ATP2B2: variants seen among roughly 807,000 people sequenced by gnomAD.
ATP2B2 encodes ATPase plasma membrane Ca2+ transporting 2.
A neutral mutation model predicts 120.0 loss-of-function variants in ATP2B2; 15 were observed. That is an observed-to-expected ratio of 0.12 (90% CI 0.08 to 0.19). ATP2B2 has a LOEUF of 0.19. Ranked by LOEUF, ATP2B2 falls within the 10% of genes least tolerant of loss-of-function variation. ATP2B2 has a pLI of 1.00. For missense variants in ATP2B2, 1,045 were observed against 1,719.8 expected, an observed-to-expected ratio of 0.61 and a Z score of 6.94; for synonymous variants, 694 against 700.3, an observed-to-expected ratio of 0.99 and a Z score of 0.14.
chr3:10,484,293 C>T (rs1368025902), intron 1 of ATP2B2, among the ~76,000 whole-genome samples: 1 of 152,122 alleles, frequency 6.6e-6, no homozygotes, highest in African/African-American at 2.4e-5. Context: ...TCCTAAAGAG[C>T]TCACTGAGGG....
intron 1 of ATP2B2, among the ~76,000 whole-genome samples, chr3:10,656,353 A>C (rs1038439764): frequency 6.6e-6 from 1 of 152,206 alleles, no homozygotes; most frequent in Non-Finnish European, 1.5e-5. Context: ...ATTGACAGCC[A>C]ACCTGTCTAG....
intron 1 of ATP2B2, among the ~76,000 whole-genome samples, chr3:10,474,695 A>G (rs775204937): frequency 6.6e-6 from 1 of 152,236 alleles, no homozygotes; most frequent in Non-Finnish European, 1.5e-5. Context: ...CTGCCATAAT[A>G]AGCACCTTGT....
At chr3:10,656,844 G>A (rs1221782075) in intron 1 of ATP2B2, among the ~76,000 whole-genome samples, 7 of 152,224 alleles carry the variant, frequency 4.6e-5, no homozygotes, top group African/African-American at 7.2e-5. Context: ...GGGAAGTTCC[G>A]GAGGAAGGGA....
intron 12 of ATP2B2, among the ~76,000 whole-genome samples, chr3:10,366,812 C>T (rs1224876359): frequency 6.6e-6 from 1 of 152,192 alleles, no homozygotes; most frequent in Non-Finnish European, 1.5e-5. Flanking sequence ...ACGTACAAAG[C>T]ACCGCAGACC....
At chr3:10,624,215 G>A (rs972838686) in intron 1 of ATP2B2, among the ~76,000 whole-genome samples, 7 of 152,106 alleles carry the variant, frequency 4.6e-5, no homozygotes, top group African/African-American at 1.2e-4. Context: ...ATATACTTTG[G>A]GGAATGGTGG....
chr3:10,514,375 G>C (rs956656054), intron 3 of ATP2B2, among the ~76,000 whole-genome samples: 2 of 152,146 alleles, frequency 1.3e-5, no homozygotes, highest in African/African-American at 4.8e-5. Flanking sequence ...TGCTGATGGA[G>C]TCTTGATGGG....
chr3:10,582,217 TG>T (rs1042574733), intron 2 of ATP2B2, among the ~76,000 whole-genome samples: 18 of 152,152 alleles, frequency 1.2e-4, no homozygotes, highest in Non-Finnish European at 2.4e-4. Context: ...ACCGGGGATC[TG>T]GGCGTGTTGG....
At chr3:10,417,626 CATTT>C (rs758160973) in intron 2 of ATP2B2, among the ~76,000 whole-genome samples, 15 of 152,186 alleles carry the variant, frequency 9.9e-5, no homozygotes, top group Non-Finnish European at 2.1e-4. Flanking sequence ...TCCAGTCATT[CATTT>C]ACTCATTCAA....
intron 1 of ATP2B2, among the ~76,000 whole-genome samples, chr3:10,692,365 G>A (rs368177351): frequency 4.6e-5 from 7 of 152,150 alleles, no homozygotes; most frequent in Non-Finnish European, 8.8e-5. Flanking sequence ...GAGGCTTGCC[G>A]GCTGCAGACA....
In ATP2B2 at chr3:10,621,925, C is replaced by T. The variant is rs925963916; in HGVS notation, c.-459-1964G>A. Among the ~76,000 whole-genome samples the T allele has an allele frequency of 8.5e-5, 13 of 152,252 alleles. No homozygotes were observed. In the South Asian group the frequency reaches 1.2e-3, roughly 15 times the overall value. ...CTGGCCCTGTGCAGAAGCCCACACA[C>T]GCAGCGCCCCATTAAGCTTTATCTG... On this transcript the variant is annotated intron_variant, in intron 1 of 21. Transcript: ENST00000646379.
rs2059928907 is a variant in ATP2B2 at position 10,329,723 on chromosome 3, G to A, written c.3421-598C>T. On this transcript the variant is annotated intron_variant, in intron 22 of 22. Transcript: ENST00000360273. The surrounding 1 kb of genome is among the most constrained non-coding windows in gnomAD (Gnocchi z 5.9). ...GGAACATCAAACCAAAGGCAGCAAA[G>A]CAAACCAAAGCCAACCCAGGGCTTT... 1.3e-5 allele frequency among the ~76,000 whole-genome samples: 2 copies of A among 152,288 alleles called. No homozygotes were observed. The highest frequency in any genetic ancestry group is 3.4e-3 in the Middle Eastern group (1 of 294).
intron 8 of ATP2B2, among the ~76,000 whole-genome samples, chr3:10,384,902 G>C (rs1206402997): frequency 6.6e-6 from 1 of 152,228 alleles, no homozygotes; most frequent in Non-Finnish European, 1.5e-5. Context: ...CCTGATCCCA[G>C]GCCTTCTTCC....
chr3:10,359,923 G>A lies in ATP2B2; in HGVS notation c.1860C>T (p.Phe620=). The stretch of plus-strand genomic sequence containing the variant: ...CAGAAGCCCCCTTGCTGTACATGCG[G>A]AAGCTCTCGTCGGGCAGCTTGATGA... ...STVIKLPDES[F]RMYSKGASEI... Residue 620 remains phenylalanine (F), a synonymous_variant, in exon 13 of 23, where the codon TTC becomes TTT. Coordinates refer to ENST00000360273, the MANE Select transcript of ATP2B2 (RefSeq NM_001001331.4). 1 of 1,614,254 alleles carries A rather than the reference G, an allele frequency of 6.2e-7. No individual in the cohort carries two copies. The highest frequency in any genetic ancestry group is 8.5e-7 in the Non-Finnish European group (1 of 1,180,046).
chr3:10,680,270 A>G (rs1416509893), intron 1 of ATP2B2, among the ~76,000 whole-genome samples: 1 of 152,064 alleles, frequency 6.6e-6, no homozygotes, highest in African/African-American at 2.4e-5. Context: ...GGGAGGCTGC[A>G]TGGGCTGGTC....
At chr3:10,495,811 C>T (rs774577073) in intron 1 of ATP2B2, among the ~76,000 whole-genome samples, 2 of 152,246 alleles carry the variant, frequency 1.3e-5, no homozygotes, top group Non-Finnish European at 2.9e-5. Context: ...GCTCTGGAAG[C>T]TCTAAATACT....
At chr3:10,389,850 C>T (rs1476203632) in intron 5 of ATP2B2, among the ~76,000 whole-genome samples, 1 of 152,070 alleles carries the variant, frequency 6.6e-6, no homozygotes, top group Non-Finnish European at 1.5e-5. Context: ...CAAAGGTGAC[C>T]CCAGGAGGAC....
chr3:10,498,141 G>A lies in ATP2B2; in HGVS notation c.-320+7324C>T, dbSNP rs144986321. On this transcript the variant is annotated intron_variant, in intron 1 of 22. Transcript: ENST00000360273. Reference sequence around the variant, plus strand: ...TGTCAAAATGTATATCTTGGAATCCGCACAGTTCAGTCTCCGACACAACGG... The same window carrying A: ...TGTCAAAATGTATATCTTGGAATCCACACAGTTCAGTCTCCGACACAACGG... Among the ~76,000 whole-genome samples, 1,396 of 152,278 alleles carry A rather than the reference G, an allele frequency of 9.2e-3. 23 individuals carry two copies. Among genetic ancestry groups the A allele is most frequent in the African/African-American group, 0.032 (1,328 of 41,560 alleles).
At position 10,358,693 on chromosome 3, in the gene ATP2B2, C is replaced by G. The variant is rs567994556; in HGVS notation, c.2134G>C (p.Glu712Gln). ...VVGIEDPVRP[E>Q]VPEAIRKCQR... ...AGCTCGCTGGCCCTGGGGCCTACCT[C>G]TGGCCGCACCGGGTCCTCGATGCCC... The change falls in exon 14 of 23, where the codon GAG (glutamate) becomes CAG (glutamine). Residue 712 changes from glutamate (E) to glutamine (Q), a missense_variant and splice_region_variant. Coordinates refer to ENST00000360273, the MANE Select transcript of ATP2B2 (RefSeq NM_001001331.4). 1 of 1,614,196 alleles carries G rather than the reference C, an allele frequency of 6.2e-7. No individual in the cohort carries two copies. The highest frequency in any genetic ancestry group is 1.1e-5 in the South Asian group (1 of 91,084).
Position 10,385,332 on chromosome 3 carries a change from AG to A in ATP2B2, c.941-6del, listed in dbSNP as rs1204932419. 4 of 1,612,656 alleles carry A rather than the reference AG, an allele frequency of 2.5e-6. No individual in the cohort carries two copies. Among genetic ancestry groups the A allele is most frequent in the African/African-American group, 2.7e-5 (2 of 74,866 alleles). On this transcript the variant is annotated splice_polypyrimidine_tract_variant and splice_region_variant and intron_variant, in intron 7 of 22. Transcript: ENST00000360273. Reference sequence around the variant, plus strand: ...AAGCTGCCGCACCGTCTGCTGCTGCAGGGGGGTGGGAGGGATGGAAAATGCA... The same window carrying A: ...AAGCTGCCGCACCGTCTGCTGCTGCAGGGGGTGGGAGGGATGGAAAATGCA...
Sources: gnomAD v4.1 joint callset for allele counts (sites outside exome capture counted in the v4.1 genomes callset) on GRCh38, gnomAD v4.1.1 for gene constraint, Gnocchi (gnomAD v3.1) non-coding constraint, MANE v1.5 for transcripts, NCBI Gene and HGNC (gene_info 2026-07-23, HGNC 2026-07-21) for gene names.